XRCC5: variants seen among roughly 807,000 people sequenced by gnomAD.
XRCC5 encodes the protein X-ray repair cross complementing 5.
In XRCC5, 12 loss-of-function variants were observed where a neutral mutation model predicts 95.7. The ratio of observed to expected loss-of-function variants is 0.13; its 90% CI spans 0.08 to 0.20. XRCC5 has a LOEUF of 0.20. XRCC5 is among the 10% of genes least tolerant of loss of function. The pLI is 1.00. For synonymous variants in XRCC5, 281 were observed against 290.3 expected (o/e 0.97, Z 0.33); for missense variants, 595 against 873.9 (o/e 0.68, Z 4.02).
intron 11 of XRCC5, 75 bp from the exon 12 acceptor site, chr2:216,138,014 C>T: frequency 7.8e-7 from 1 of 1,286,618 alleles, no homozygotes; most frequent in Admixed American, 2.2e-5. Context: ...GCTACTTTCA[C>T]AGAATTTGGG....
intron 19 of XRCC5, 88 bp downstream of exon 19, chr2:216,195,074 G>A (rs1293773578): frequency 2.4e-6 from 3 of 1,244,850 alleles, no homozygotes; most frequent in Admixed American, 1.8e-5. Flanking sequence ...AATTTTATGG[G>A]TAACTAAATT....
chr2:216,174,742 A>G (rs1353352688), intron 16 of XRCC5, among the ~76,000 whole-genome samples: 1 of 152,204 alleles, frequency 6.6e-6, no homozygotes, highest in Non-Finnish European at 1.5e-5. Flanking sequence ...AAGCTGCAAT[A>G]ACTTTTCTGA....
At chr2:216,175,426 C>G (rs41302460) in intron 16 of XRCC5, 17,091 of 515,702 alleles carry the variant, frequency 0.033, 408 homozygotes, top group Non-Finnish European at 0.047. Context: ...GACTGCATCT[C>G]TTGTTTAGAA....
chr2:216,162,889 G>A (rs1012931927), intron 16 of XRCC5, among the ~76,000 whole-genome samples: 1 of 152,124 alleles, frequency 6.6e-6, no homozygotes, highest in Non-Finnish European at 1.5e-5. Context: ...TAGCTTTCAG[G>A]GATGCACAGA....
intron 16 of XRCC5, among the ~76,000 whole-genome samples, chr2:216,162,308 A>G (rs982482793): frequency 1.3e-5 from 2 of 152,214 alleles, no homozygotes; most frequent in African/African-American, 2.4e-5. Context: ...CTTGGCGCTT[A>G]TAGCTCCACT....
In XRCC5 at chr2:216,128,442, A is replaced by AGGT. The variant is rs538446826; in HGVS notation, c.937+778_937+780dup. On this transcript the variant is annotated intron_variant, in intron 8 of 20. Transcript: ENST00000392132. ...TGTGTTGGAGGAGGGGGTTGTTTAAAGGTGGTGGTGGTTATGATTCCTTCC... is the reference window on the plus strand; with the variant it reads ...TGTGTTGGAGGAGGGGGTTGTTTAAAGGTGGTGGTGGTGGTTATGATTCCTTCC... Among the ~76,000 whole-genome samples, 657 of 152,252 alleles carry AGGT rather than the reference A, an allele frequency of 4.3e-3. 3 individuals carry two copies. The highest frequency in any genetic ancestry group is 0.015 in the African/African-American group (634 of 41,552).
In XRCC5 at chr2:216,205,219, GAATCTAAGA is replaced by G; in HGVS notation, c.*18_*26del. 1.9e-6 allele frequency: 3 copies of G among 1,613,946 alleles called. No individual in the cohort carries two copies. Among genetic ancestry groups the G allele is most frequent in the Non-Finnish European group, 1.7e-6 (2 of 1,179,858 alleles). On this transcript the variant is annotated 3_prime_UTR_variant, in exon 21 of 21. Coordinates refer to ENST00000392132, the MANE Select transcript of XRCC5 (RefSeq NM_021141.4). The stretch of plus-strand genomic sequence containing the variant: ...ATGATATAGGTCGTGGATGTATGGG[GAATCTAAGA>G]GAGCTGCCATCGCTGTGATGCTGGG...
intron 14 of XRCC5, among the ~76,000 whole-genome samples, chr2:216,159,866 C>T (rs992858321): frequency 1.3e-5 from 2 of 152,156 alleles, no homozygotes; most frequent in Admixed American, 6.5e-5. Context: ...CTTAGGAGCC[C>T]GGTGGCTAGG....
intron 16 of XRCC5, chr2:216,175,412 T>C (rs549829354): frequency 4.2e-5 from 22 of 518,374 alleles, no homozygotes; most frequent in African/African-American, 3.9e-4. Flanking sequence ...TCTGTGATCC[T>C]GCAGACTGCA....
chr2:216,124,085 T>G (rs1696866705), intron 6 of XRCC5, among the ~76,000 whole-genome samples: 1 of 152,222 alleles, frequency 6.6e-6, no homozygotes, highest in Non-Finnish European at 1.5e-5. Context: ...TTATCTGTGT[T>G]TGAAGTGTCT....
At chr2:216,159,875 G>T (rs1410250661) in intron 14 of XRCC5, among the ~76,000 whole-genome samples, 193 bp from the exon 15 acceptor site, 2 of 152,180 alleles carry the variant, frequency 1.3e-5, no homozygotes, top group African/African-American at 4.8e-5. Flanking sequence ...CCGGTGGCTA[G>T]GAAAGGGAGG....
intron 16 of XRCC5, among the ~76,000 whole-genome samples, chr2:216,171,691 C>T (rs144754657): frequency 1.2e-3 from 180 of 152,254 alleles, no homozygotes; most frequent in African/African-American, 4.1e-3. Context: ...TACTTTTTTA[C>T]AATTCCCTTG....
intron 19 of XRCC5, among the ~76,000 whole-genome samples, chr2:216,197,852 A>C (rs2106052144): frequency 6.6e-6 from 1 of 152,346 alleles, no homozygotes; most frequent in African/African-American, 2.4e-5. Context: ...GCTTTAGCCA[A>C]TGTAGTATGT....
At chr2:216,123,764 C>T (rs1696858559) in intron 6 of XRCC5, among the ~76,000 whole-genome samples, 1 of 152,194 alleles carries the variant, frequency 6.6e-6, no homozygotes, top group Admixed American at 6.5e-5. Context: ...CAAGATCATG[C>T]CACTGCACTC....
In XRCC5 at chr2:216,122,103, G is replaced by C; in HGVS notation, c.533G>C (p.Arg178Thr). Residue 178 changes from arginine (R) to threonine (T), a missense_variant, in exon 6 of 21, where the codon AGA becomes ACA. By Grantham distance (71) the Arg-to-Thr change is moderately conservative. Transcript: ENST00000392132. ...GGCAAGGAAGATGGAAGTGGGGACA[G>C]AGGAGATGGCCCCTTTCGCTTAGGT... ...SLGKEDGSGD[R>T]GDGPFRLGGH... 6.2e-7 allele frequency: 1 copy of C among 1,614,062 alleles called. No individual in the cohort carries two copies. Among genetic ancestry groups the C allele is most frequent in the Non-Finnish European group, 8.5e-7 (1 of 1,179,974 alleles).
intron 15 of XRCC5, 40 bp downstream of exon 15, chr2:216,160,201 A>C (rs772281727): frequency 8.5e-5 from 123 of 1,446,478 alleles, no homozygotes; most frequent in Non-Finnish European, 1.1e-4. Context: ...CCTTTGCAGG[A>C]AGGTTGGGGC....
intron 19 of XRCC5, among the ~76,000 whole-genome samples, chr2:216,198,626 G>C (rs1228558301): frequency 6.6e-6 from 1 of 152,018 alleles, no homozygotes; most frequent in African/African-American, 2.4e-5. Flanking sequence ...CACGGTCTCA[G>C]CTCACTGCAA....
At chr2:216,123,441 G>T (rs1480060959) in intron 6 of XRCC5, among the ~76,000 whole-genome samples, 1 of 152,198 alleles carries the variant, frequency 6.6e-6, no homozygotes, top group African/African-American at 2.4e-5. Context: ...ACAGATATGT[G>T]TTCCTAAGTT....
At chr2:216,118,142 C>T (rs1696735724) in intron 4 of XRCC5, among the ~76,000 whole-genome samples, 1 of 151,642 alleles carries the variant, frequency 6.6e-6, no homozygotes, top group South Asian at 2.1e-4. Context: ...TGGCCAACTT[C>T]CCTTTTTTGT....
Sources: allele counts gnomAD v4.1 joint callset (sites outside exome capture counted in the v4.1 genomes callset), GRCh38; gene constraint gnomAD v4.1.1; transcripts MANE v1.5; gene names NCBI Gene and HGNC (gene_info 2026-07-23, HGNC 2026-07-21).